The following RBPJ variants were observed in gnomAD, a reference collection of about 807,000 sequenced individuals.
RBPJ encodes the protein recombining binding protein suppressor of hairless.
In RBPJ, 9 loss-of-function variants were observed where a neutral mutation model predicts 67.8. The ratio of observed to expected loss-of-function variants is 0.13; its 90% CI spans 0.08 to 0.23. The LOEUF is 0.23. Ranked by LOEUF, RBPJ falls within the 10% of genes least tolerant of loss-of-function variation. RBPJ has a pLI of 1.00. For missense variants in RBPJ, 305 were observed against 595.6 expected, an observed-to-expected ratio of 0.51 and a Z score of 5.08; for synonymous variants, 198 against 203.3, an observed-to-expected ratio of 0.97 and a Z score of 0.22.
chr4:26,109,996 A>G, the RBPJ span, among the ~76,000 whole-genome samples: 1,042 of 152,138 alleles, frequency 6.8e-3, 11 homozygotes, highest in African/African-American at 0.023. Context: ...CTTAGATAAT[A>G]AAATGGTCTT....
chr4:26,116,473 C>A, the RBPJ span, among the ~76,000 whole-genome samples: 1 of 152,212 alleles, frequency 6.6e-6, no homozygotes, highest in Non-Finnish European at 1.5e-5. Flanking sequence ...ATTGCAGAAA[C>A]CTTGACTTTC....
At chr4:26,419,975 T>C (rs965334073) in intron 4 of RBPJ, among the ~76,000 whole-genome samples, 1 of 152,150 alleles carries the variant, frequency 6.6e-6, no homozygotes, top group African/African-American at 2.4e-5. Flanking sequence ...TTCTTTAAAG[T>C]AATGCTTATA....
chr4:26,336,827 C>G (rs1459236504), intron 1 of RBPJ, among the ~76,000 whole-genome samples: 1 of 152,112 alleles, frequency 6.6e-6, no homozygotes, highest in Non-Finnish European at 1.5e-5. Flanking sequence ...TACCAAAACA[C>G]ATTAACATTT....
chr4:26,316,699 A>G (rs955551790), upstream of RBPJ, among the ~76,000 whole-genome samples: 20 of 136,572 alleles, frequency 1.5e-4, 1 homozygote, highest in African/African-American at 4.9e-4. Context: ...CATATTGTGT[A>G]TATATATATA....
At chr4:26,132,134 C>CA in the RBPJ span, among the ~76,000 whole-genome samples, 29 of 142,142 alleles carry the variant, frequency 2.0e-4, no homozygotes, top group East Asian at 4.0e-4. Flanking sequence ...GGGTGGCTGC[C>CA]AAAAAAAAAA....
intron 1 of RBPJ, among the ~76,000 whole-genome samples, chr4:26,341,369 C>CT (rs1725510246): frequency 6.6e-6 from 1 of 152,150 alleles, no homozygotes; most frequent in African/African-American, 2.4e-5. Flanking sequence ...ACTCCCAGCA[C>CT]TTTGGGAGGC....
intron 1 of RBPJ, among the ~76,000 whole-genome samples, chr4:26,367,668 G>A (rs1481601637): frequency 6.6e-6 from 1 of 152,152 alleles, no homozygotes. Flanking sequence ...GAAGATTTCA[G>A]TAACATTTTA....
the RBPJ span, among the ~76,000 whole-genome samples, chr4:26,137,484 G>T: frequency 6.6e-6 from 1 of 152,192 alleles, no homozygotes; most frequent in Non-Finnish European, 1.5e-5. Context: ...CCTGCCAGCT[G>T]CTAGCTGCCC....
chr4:26,307,999 T>C (rs1722291969), intron 1 of RBPJ, among the ~76,000 whole-genome samples: 1 of 152,120 alleles, frequency 6.6e-6, no homozygotes, highest in African/African-American at 2.4e-5. Context: ...TCTCTAGGCC[T>C]GGAGCGGTGG....
intron 1 of RBPJ, among the ~76,000 whole-genome samples, chr4:26,378,927 G>A (rs1730032076): frequency 6.6e-6 from 1 of 152,150 alleles, no homozygotes; most frequent in African/African-American, 2.4e-5. Context: ...TCGAGAGGCT[G>A]AGGCAGGAGA....
At chr4:26,184,068 A>G (rs1309053061) in intron 1 of RBPJ, among the ~76,000 whole-genome samples, 8 of 147,312 alleles carry the variant, frequency 5.4e-5, no homozygotes, top group African/African-American at 1.5e-4. Flanking sequence ...TGCAGTCCCA[A>G]CTACTCTTGA....
At chr4:26,390,169 CAT>C (rs1177161372) in intron 2 of RBPJ, among the ~76,000 whole-genome samples, 1 of 152,104 alleles carries the variant, frequency 6.6e-6, no homozygotes, top group Non-Finnish European at 1.5e-5. Flanking sequence ...AAAGGAAAAT[CAT>C]ATAGTTATCT....
chr4:26,187,165 T>G (rs543346880), intron 1 of RBPJ, among the ~76,000 whole-genome samples: 1 of 152,336 alleles, frequency 6.6e-6, no homozygotes, highest in Non-Finnish European at 1.5e-5. Flanking sequence ...GAGGCTGCGG[T>G]GAGCCATGAC....
chr4:26,391,588 T>A (rs747409635), intron 2 of RBPJ, among the ~76,000 whole-genome samples: 1 of 152,196 alleles, frequency 6.6e-6, no homozygotes, highest in African/African-American at 2.4e-5. Flanking sequence ...AAATGTTGTT[T>A]ATTAGGCTAA....
the RBPJ span, among the ~76,000 whole-genome samples, chr4:26,154,900 G>A: frequency 2.0e-5 from 3 of 152,140 alleles, no homozygotes; most frequent in East Asian, 5.8e-4. Context: ...CCATTAATGA[G>A]GGATCCACCC....
Position 26,294,313 on chromosome 4 carries a change from A to G in RBPJ, c.-166-68133A>G, listed in dbSNP as rs527682195. 5.2e-3 allele frequency among the ~76,000 whole-genome samples: 791 copies of G among 151,642 alleles called. 8 individuals carry two copies. Among genetic ancestry groups the G allele is most frequent in the African/African-American group, 0.018 (763 of 41,340 alleles). On this transcript the variant is annotated intron_variant, in intron 1 of 4. Coordinates refer to the RBPJ transcript ENST00000512351. ...AGGGTTTCACCATCTTGGCCAGGCT[A>G]GTCTTGAACTCCTGACCTTGTGATC...
intron 1 of RBPJ, among the ~76,000 whole-genome samples, chr4:26,252,092 T>A (rs1720134872): frequency 6.6e-6 from 1 of 150,978 alleles, no homozygotes; most frequent in Admixed American, 6.6e-5. Flanking sequence ...TTTTTTTTTT[T>A]AATTTAAGGG....
chr4:26,229,693 T>C (rs1209285107), intron 1 of RBPJ, among the ~76,000 whole-genome samples: 2 of 152,146 alleles, frequency 1.3e-5, no homozygotes, highest in African/African-American at 2.4e-5. Flanking sequence ...ATTTCTCTCA[T>C]GTATAAAGAG....
At chr4:26,302,032 A>G (rs1039909937) in intron 1 of RBPJ, among the ~76,000 whole-genome samples, 3 of 152,194 alleles carry the variant, frequency 2.0e-5, no homozygotes, top group Non-Finnish European at 2.9e-5. Context: ...ACCTCAAATG[A>G]TCTACCTGCC....
Sources: gnomAD v4.1 joint callset for allele counts (sites outside exome capture counted in the v4.1 genomes callset) on GRCh38, gnomAD v4.1.1 for gene constraint, MANE v1.5 for transcripts, NCBI Gene and HGNC (gene_info 2026-07-23, HGNC 2026-07-21) for gene names.